Variants in ETV5 observed in about 807,000 individuals in gnomAD.
ETV5 encodes the protein ETS variant transcription factor 5, also known as ETS translocation variant 5.
In ETV5, 10 loss-of-function variants were observed where a neutral mutation model predicts 70.0. That is an observed-to-expected ratio of 0.14 (90% CI 0.09 to 0.24). ETV5 has a LOEUF of 0.24. ETV5 is among the 10% of genes least tolerant of loss of function. ETV5 has a pLI of 1.00. For missense variants in ETV5, 453 were observed against 651.2 expected (o/e 0.70, Z 3.31); for synonymous variants, 216 against 242.2 (o/e 0.89, Z 1.01).
chr3:186,062,319 T>G (rs574240822), intron 9 of ETV5, among the ~76,000 whole-genome samples: 1 of 152,214 alleles, frequency 6.6e-6, no homozygotes, highest in African/African-American at 2.4e-5. Flanking sequence ...TGGGCACATC[T>G]TTTCTCCTTT....
chr3:186,104,312 G>T (rs534455014), intron 5 of ETV5, among the ~76,000 whole-genome samples: 6 of 152,280 alleles, frequency 3.9e-5, no homozygotes, highest in African/African-American at 1.2e-4. Flanking sequence ...TCAGTGCAAA[G>T]TAACCATGCC....
chr3:186,060,409 T>G (rs1265234164), intron 9 of ETV5, among the ~76,000 whole-genome samples: 2 of 152,224 alleles, frequency 1.3e-5, no homozygotes, highest in Non-Finnish European at 2.9e-5. Context: ...TCAGTTGAAT[T>G]TGAGCCAGCA....
At chr3:186,107,818 T>A (rs982936945) in intron 1 of ETV5, among the ~76,000 whole-genome samples, 1 of 151,872 alleles carries the variant, frequency 6.6e-6, no homozygotes, top group African/African-American at 2.4e-5. Context: ...TAACTGGATC[T>A]CTAGCGCTGG....
rs566407362 is a variant in ETV5, at chr3:186,046,530, A to C, written c.*2109T>G. ...AAAACAAAAACCATCCGGGAGGTGC[A>C]TGAGTCCAATGGGAATGCAACCGTG... On this transcript the variant is annotated 3_prime_UTR_variant, in exon 13 of 13. Transcript: ENST00000306376. The C allele has an allele frequency of 4.3e-6, 1 of 232,190 alleles. No individual in the cohort carries two copies. Among genetic ancestry groups the C allele is most frequent in the Admixed American group, 5.6e-5 (1 of 17,746 alleles). 14.4% of individuals were successfully genotyped at this position (232,190 alleles called of 1,614,324 possible).
At chr3:186,084,107 C>T (rs1376129453) in intron 5 of ETV5, 1 of 359,406 alleles carries the variant, frequency 2.8e-6, no homozygotes, top group African/African-American at 2.2e-5. Context: ...GGGCACAGCA[C>T]CTTGCAGATG....
At chr3:186,107,881 T>A (rs1714629446) in intron 1 of ETV5, among the ~76,000 whole-genome samples, 1 of 151,466 alleles carries the variant, frequency 6.6e-6, no homozygotes, top group Admixed American at 6.6e-5. Flanking sequence ...CCTTCCCCAT[T>A]CATGAAAACT....
At chr3:186,051,969 G>A in intron 12 of ETV5, 61 bp downstream of exon 12, 1 of 1,524,212 alleles carries the variant, frequency 6.6e-7, no homozygotes, top group Non-Finnish European at 9.1e-7. Context: ...CACTACAGAA[G>A]CCCTGGACTT....
intron 7 of ETV5, chr3:186,078,228 C>T: frequency 9.6e-7 from 1 of 1,045,072 alleles, no homozygotes; most frequent in Non-Finnish European, 1.2e-6. Flanking sequence ...GGATAAAAAA[C>T]AAGGATTGAG....
At position 186,054,470 on chromosome 3, in the gene ETV5, A is replaced by G. The variant is rs1012579838; in HGVS notation, c.1210-2339T>C. On this transcript the variant is annotated intron_variant, in intron 11 of 12. Transcript: ENST00000306376. This position sits in a 1 kb window ranked among gnomAD's most constrained non-coding sequence, Gnocchi z 4.4. ...AACAACCCTACCCCCCAAAATATTC[A>G]TTAATGCAGATTCACAGTTAAAATG... is the stretch of plus-strand genomic sequence containing the variant. 3.3e-5 allele frequency among the ~76,000 whole-genome samples: 5 copies of G among 152,142 alleles called. No homozygotes were observed. Among genetic ancestry groups the G allele is most frequent in the African/African-American group, 1.2e-4 (5 of 41,434 alleles).
At chr3:186,091,361 G>A (rs1714178989) in intron 5 of ETV5, among the ~76,000 whole-genome samples, 1 of 152,214 alleles carries the variant, frequency 6.6e-6, no homozygotes, top group Non-Finnish European at 1.5e-5. Flanking sequence ...TTTGTCATAT[G>A]TCTCGGCAAG....
chr3:186,067,425 C>T (rs1057301283), intron 7 of ETV5, among the ~76,000 whole-genome samples: 3 of 152,058 alleles, frequency 2.0e-5, no homozygotes, highest in Non-Finnish European at 2.9e-5. Flanking sequence ...AGCGAGACTC[C>T]GTCTCAAAAT....
Position 186,090,869 on chromosome 3 carries a change from G to A in ETV5, c.233-9694C>T, listed in dbSNP as rs114207569. Among the ~76,000 whole-genome samples the A allele has an allele frequency of 3.8e-3, 574 of 152,306 alleles. 10 individuals carry two copies. Among genetic ancestry groups the A allele is most frequent in the African/African-American group, 0.013 (551 of 41,570 alleles). On this transcript the variant is annotated intron_variant, in intron 5 of 12. Transcript: ENST00000306376. ...CCTATGCTTTCGCTGCTCTGAGCCT[G>A]GGGGCTCCAACTGTTCAGCCTAGTT... is the stretch of plus-strand genomic sequence containing the variant.
chr3:186,107,506 CA>C (rs1223640893), intron 1 of ETV5, among the ~76,000 whole-genome samples: 6 of 151,284 alleles, frequency 4.0e-5, no homozygotes, highest in African/African-American at 1.5e-4. Context: ...CCCGGAAGAG[CA>C]AAAAAAATTC....
chr3:186,093,080 A>G (rs776757200), intron 5 of ETV5, among the ~76,000 whole-genome samples: 4 of 152,190 alleles, frequency 2.6e-5, no homozygotes, highest in Non-Finnish European at 4.4e-5. Flanking sequence ...TATATGAGAT[A>G]CAGGATAGAT....
At chr3:186,100,972 G>A (rs1481916599) in intron 5 of ETV5, among the ~76,000 whole-genome samples, 2 of 152,098 alleles carry the variant, frequency 1.3e-5, no homozygotes, top group East Asian at 3.9e-4. Flanking sequence ...CACTCTTTAA[G>A]TACCCAGTCA....
At chr3:186,061,669 T>A (rs1713307596) in intron 9 of ETV5, among the ~76,000 whole-genome samples, 1 of 152,176 alleles carries the variant, frequency 6.6e-6, no homozygotes, top group Admixed American at 6.5e-5. Flanking sequence ...CAATCCACCA[T>A]ACCAAGTTAG....
At chr3:186,097,736 T>C (rs755926573) in intron 5 of ETV5, among the ~76,000 whole-genome samples, 1 of 152,174 alleles carries the variant, frequency 6.6e-6, no homozygotes, top group Non-Finnish European at 1.5e-5. Context: ...TCAAACCCCA[T>C]TAAGCCCAGG....
In ETV5 at chr3:186,065,842, T is replaced by A; in HGVS notation, c.881A>T (p.Gln294Leu). Residue 294 changes from glutamine to leucine, a missense_variant, in exon 8 of 13, where the codon CAG (glutamine) becomes CTG (leucine). By Grantham distance (113) the Gln-to-Leu change is moderately radical. Transcript: ENST00000306376. ...ATCGACGCAGTAATCCCGAGGCTCC[T>A]GCTTGATTCCCATTGGTGACTGGAA... ...HGFQSPMGIKQEPRDYCVDSE... is the reference protein window; with the variant it reads ...HGFQSPMGIKLEPRDYCVDSE... 1 of 1,614,168 alleles carries A rather than the reference T, an allele frequency of 6.2e-7. No individual in the cohort carries two copies. Among genetic ancestry groups the A allele is most frequent in the South Asian group, 1.1e-5 (1 of 91,078 alleles).
chr3:186,061,418 A>G (rs1226079277), intron 9 of ETV5, among the ~76,000 whole-genome samples: 1 of 152,216 alleles, frequency 6.6e-6, no homozygotes, highest in Non-Finnish European at 1.5e-5. Context: ...AATCTCCTGC[A>G]GGACTTGTTA....
Sources: gnomAD v4.1 joint callset for allele counts (sites outside exome capture counted in the v4.1 genomes callset) on GRCh38, gnomAD v4.1.1 for gene constraint, Gnocchi (gnomAD v3.1) non-coding constraint, MANE v1.5 for transcripts, NCBI Gene and HGNC (gene_info 2026-07-23, HGNC 2026-07-21) for gene names.